The following CEP57 variants were observed in gnomAD, a reference collection of about 807,000 sequenced individuals.
The protein encoded by CEP57 is centrosomal protein of 57 kDa.
A neutral mutation model predicts 68.0 loss-of-function variants in CEP57; 40 were observed. That is an observed-to-expected ratio of 0.59 (90% confidence interval 0.46 to 0.77). CEP57 has a LOEUF of 0.77. Ranked by LOEUF, CEP57 falls within the 30% of genes least tolerant of loss-of-function variation. The pLI is 0.00. For missense variants in CEP57, 606 were observed against 580.7 expected (o/e 1.04, Z -0.45); for synonymous variants, 219 against 198.7 (o/e 1.10, Z -0.86).
chr11:95,815,584 A>G (rs1862267324), intron 4 of CEP57, among the ~76,000 whole-genome samples: 1 of 152,186 alleles, frequency 6.6e-6, no homozygotes, highest in African/African-American at 2.4e-5. Context: ...TTAATTCCAC[A>G]ATAAATTCCT....
chr11:95,799,334 C>T lies in CEP57; in HGVS notation c.148C>T (p.Leu50=), dbSNP rs781186734. ...GGATAAGCCTTTCCTTAATAGTGAT[C>T]TACGACGCTCCCCAAGTAAGCCTAC... The part of the protein sequence containing the change: ...PSDKPFLNSD[L]RRSPSKPTLA... The change falls in exon 2 of 11, where the codon CTA becomes TTA. Residue 50 remains leucine, a synonymous_variant. Transcript: ENST00000325542. 2 of 1,614,070 alleles carry T rather than the reference C, an allele frequency of 1.2e-6. No individual in the cohort carries two copies. Among genetic ancestry groups the T allele is most frequent in the East Asian group, 2.2e-5 (1 of 44,878 alleles).
chr11:95,826,693 T>A (rs1862757388), intron 8 of CEP57: 1 of 152,222 alleles, frequency 6.6e-6, no homozygotes, highest in Non-Finnish European at 1.5e-5. Flanking sequence ...CATATTAATA[T>A]AATCAGAAAA....
At chr11:95,819,055 G>T in intron 6 of CEP57, 151 bp downstream of exon 6, 1 of 678,842 alleles carries the variant, frequency 1.5e-6, no homozygotes, top group Non-Finnish European at 2.6e-6. Context: ...AGAAAATTAT[G>T]AACAAGTATT....
In CEP57 at chr11:95,799,477, G is replaced by A. The variant is rs1861484347; in HGVS notation, c.202+89G>A. On this transcript the variant is annotated intron_variant, in intron 2 of 10. Transcript: ENST00000325542. ...TGTCCTCCATTATTTTGCCATTAGA[G>A]GAAAATATATTTCCCCTTTGCTTCC... 8 of 1,498,982 alleles carry A rather than the reference G, an allele frequency of 5.3e-6. No homozygotes were observed. In the South Asian group the frequency reaches 9.1e-5, roughly 17 times the overall value. The allele number at this position is 1,498,982 out of a possible 1,614,324, so 92.9% of individuals were successfully genotyped here.
chr11:95,801,323 G>A (rs1258727417), intron 2 of CEP57, among the ~76,000 whole-genome samples: 2 of 151,670 alleles, frequency 1.3e-5, no homozygotes, highest in South Asian at 2.1e-4. Context: ...ACTGTGTCTC[G>A]ATGATAACGA....
intron 7 of CEP57, 30 bp from the exon 8 acceptor site, chr11:95,822,465 AAAAT>A: frequency 6.5e-7 from 1 of 1,529,178 alleles, no homozygotes; most frequent in Non-Finnish European, 9.1e-7. Context: ...TCATGTGAAT[AAAAT>A]AAAATTGTTT....
At chr11:95,828,199 ATC>A (rs1259451913) in intron 9 of CEP57, among the ~76,000 whole-genome samples, 172 bp downstream of exon 9, 1 of 152,282 alleles carries the variant, frequency 6.6e-6, no homozygotes, top group South Asian at 2.1e-4. Context: ...TAAGGGTAAA[ATC>A]TCTCTCTTTT....
chr11:95,809,756 A>G (rs1385356436), intron 2 of CEP57, among the ~76,000 whole-genome samples: 3 of 152,196 alleles, frequency 2.0e-5, no homozygotes, highest in African/African-American at 7.2e-5. Flanking sequence ...TTCACAGCCA[A>G]ATTCTACCAG....
rs368253850 is a variant in CEP57 at position 95,831,259 on chromosome 11, C to A, written c.*3C>A. On this transcript the variant is annotated 3_prime_UTR_variant, in exon 11 of 11. Coordinates refer to ENST00000325542, the MANE Select transcript of CEP57 (RefSeq NM_014679.5). ...GTAGTTTGTGTTGGGATTACTGACT[C>A]ATAACCAGGTCAGAAATTTTATTCA... The A allele has an allele frequency of 1.9e-6, 3 of 1,595,318 alleles. No homozygotes were observed. The South Asian group carries it at 3.3e-5, about 18-fold the overall frequency.
intron 5 of CEP57, among the ~76,000 whole-genome samples, chr11:95,818,184 G>A (rs560353964): frequency 6.6e-6 from 1 of 152,048 alleles, no homozygotes; most frequent in African/African-American, 2.4e-5. Flanking sequence ...GGCCAAGGCG[G>A]GTGGATCACC....
intron 2 of CEP57, among the ~76,000 whole-genome samples, chr11:95,812,352 CTT>C (rs919732033): frequency 4.6e-5 from 7 of 152,018 alleles, no homozygotes; most frequent in Non-Finnish European, 5.9e-5. Context: ...TTATAAAAGT[CTT>C]TGAAATTTTT....
chr11:95,818,891 C>G lies in CEP57; in HGVS notation c.686C>G (p.Ala229Gly). The G allele has an allele frequency of 6.2e-7, 1 of 1,613,642 alleles. No individual in the cohort carries two copies. The highest frequency in any genetic ancestry group is 1.1e-5 in the South Asian group (1 of 91,074). ...EEEQERKRMQ[A>G]KAAELQTGLE... ...GAACAGGAAAGGAAACGCATGCAAG[C>G]TAAGGCAGCTGAGGTAAGTTAAAAT... Residue 229 changes from alanine (A) to glycine (G), a missense_variant, in exon 6 of 11, where the codon GCT (alanine) becomes GGT (glycine). Ala to Gly is a moderately conservative substitution (Grantham distance 60). Coordinates refer to ENST00000325542, the MANE Select transcript of CEP57 (RefSeq NM_014679.5).
At chr11:95,822,083 C>A (rs1039887699) in intron 7 of CEP57, 105 bp downstream of exon 7, 3 of 782,386 alleles carry the variant, frequency 3.8e-6, no homozygotes, top group Admixed American at 2.2e-5. Context: ...GAGAGTAAAT[C>A]TTTCATTCTC....
Position 95,819,497 on chromosome 11 carries a change from T to C in CEP57, c.699+593T>C, listed in dbSNP as rs139326897. Among the ~76,000 whole-genome samples, 54 of 152,338 alleles carry C rather than the reference T, an allele frequency of 3.5e-4. No individual in the cohort carries two copies. The East Asian group carries it at 5.8e-3, about 16-fold the overall frequency. On this transcript the variant is annotated intron_variant, in intron 6 of 10. Transcript: ENST00000325542. ...ACCAGAACTGCATTTCTAGGAGATA[T>C]ATAGCAAGACTACTGAAGTAAGTCT...
At chr11:95,808,021 T>C (rs932023854) in intron 2 of CEP57, among the ~76,000 whole-genome samples, 7 of 152,290 alleles carry the variant, frequency 4.6e-5, no homozygotes, top group African/African-American at 1.7e-4. Context: ...AGCAGATCTC[T>C]CGGCAGAAAC....
chr11:95,790,561 C>T lies in CEP57; in HGVS notation c.-138C>T, dbSNP rs1860974316. ...GGTGTGTTGCAGGGGTTTCCAAGCC[C>T]AGCACCAGCACCCTTGCCCTTTTCC... On this transcript the variant is annotated 5_prime_UTR_variant, in exon 1 of 11. Transcript: ENST00000325542. The T allele has an allele frequency of 8.8e-6, 9 of 1,026,630 alleles. No homozygotes were observed. The highest frequency in any genetic ancestry group is 8.8e-6 in the Non-Finnish European group (6 of 680,996). 63.6% of individuals were successfully genotyped at this position (1,026,630 alleles called of 1,614,324 possible). A position where few individuals can be genotyped will look rare whatever the true frequency, so the allele number is the denominator to read the frequency against.
intron 9 of CEP57, among the ~76,000 whole-genome samples, chr11:95,828,981 G>T (rs1282268815): frequency 1.3e-5 from 2 of 151,488 alleles, no homozygotes; most frequent in Admixed American, 6.6e-5. Context: ...GGCAGAGCTT[G>T]CTGTGAGCCG....
chr11:95,793,208 G>C (rs1223621445), intron 1 of CEP57, among the ~76,000 whole-genome samples: 4 of 152,188 alleles, frequency 2.6e-5, no homozygotes, highest in Non-Finnish European at 5.9e-5. Flanking sequence ...AACGTTTATT[G>C]AGTGATTGCT....
At chr11:95,806,285 C>A (rs1861795059) in intron 2 of CEP57, among the ~76,000 whole-genome samples, 1 of 152,170 alleles carries the variant, frequency 6.6e-6, no homozygotes, top group African/African-American at 2.4e-5. Flanking sequence ...AGGAACAGCT[C>A]CAGTCTACAG....
Sources: allele counts gnomAD v4.1 joint callset (sites outside exome capture counted in the v4.1 genomes callset), GRCh38; gene constraint gnomAD v4.1.1; transcripts MANE v1.5; gene names NCBI Gene and HGNC (gene_info 2026-07-23, HGNC 2026-07-21).